The following RNF103 variants were observed in gnomAD, a reference collection of about 807,000 sequenced individuals.
The protein encoded by RNF103 is ring finger protein 103, also known as E3 ubiquitin-protein ligase RNF103.
In RNF103, 23 loss-of-function variants were observed where a neutral mutation model predicts 66.2. That is an observed-to-expected ratio of 0.35 (90% confidence interval 0.25 to 0.49). The LOEUF (loss-of-function observed/expected upper bound fraction) is 0.49, where lower values mean the gene tolerates loss of function less well. Among genes scored for constraint, RNF103 ranks in the 20% least tolerant of loss-of-function variants. The pLI is 0.98. For missense variants in RNF103, 730 were observed against 814.7 expected, an observed-to-expected ratio of 0.90 and a Z score of 1.27; for synonymous variants, 297 against 289.9, an observed-to-expected ratio of 1.02 and a Z score of -0.25.
intron 3 of RNF103, among the ~76,000 whole-genome samples, chr2:86,610,049 A>T (rs1678731350): frequency 6.6e-6 from 1 of 152,336 alleles, no homozygotes; most frequent in South Asian, 2.1e-4. Flanking sequence ...ACCCTGACTA[A>T]GCATAGCTTC....
At chr2:86,605,801 T>A (rs1469351763) in intron 3 of RNF103, among the ~76,000 whole-genome samples, 2 of 152,206 alleles carry the variant, frequency 1.3e-5, no homozygotes, top group African/African-American at 4.8e-5. Flanking sequence ...ATATATTCTG[T>A]TGCTAAATAA....
rs138088443 is a variant in RNF103 at position 86,607,187 on chromosome 2, T to C, written c.483-1769A>G. Among the ~76,000 whole-genome samples, 181 of 152,356 alleles carry C rather than the reference T, an allele frequency of 1.2e-3. 2 individuals are homozygous for C. The East Asian group carries it at 0.02, about 17-fold the overall frequency. The stretch of plus-strand genomic sequence containing the variant: ...TATTTGTTACAGATTTGTATATGCA[T>C]AGTAATAAATATCTGACTTCGCATT... On this transcript the variant is annotated intron_variant, in intron 3 of 3. Transcript: ENST00000237455.
At position 86,605,039 on chromosome 2, in the gene RNF103, A is replaced by G; in HGVS notation, c.862T>C (p.Tyr288His). The G allele has an allele frequency of 6.2e-7, 1 of 1,614,150 alleles. No individual in the cohort carries two copies. Among genetic ancestry groups the G allele is most frequent in the Non-Finnish European group, 8.5e-7 (1 of 1,180,012 alleles). The change falls in exon 4 of 4, where the codon TAC (tyrosine) becomes CAC (histidine). Residue 288 changes from tyrosine to histidine, a missense_variant. Coordinates refer to ENST00000237455, the MANE Select transcript of RNF103 (RefSeq NM_005667.4). ...ATTCCTTCAGGAGTTCTAAGTATGTATGATGGCATATTATATATGCCAATA... is the reference window on the plus strand; with the variant it reads ...ATTCCTTCAGGAGTTCTAAGTATGTGTGATGGCATATTATATATGCCAATA... ...TDIGIYNMPS[Y>H]ILRTPEGIYR... is the part of the protein sequence containing the mutation.
At chr2:86,616,843 C>A (rs1306388841) in intron 2 of RNF103, 7 of 985,274 alleles carry the variant, frequency 7.1e-6, no homozygotes, top group Non-Finnish European at 8.4e-6. Flanking sequence ...GAGGATAAAT[C>A]CATAAAACCC....
intron 3 of RNF103, among the ~76,000 whole-genome samples, chr2:86,608,973 TA>T (rs1307049843): frequency 7.2e-5 from 11 of 152,168 alleles, no homozygotes; most frequent in African/African-American, 2.4e-4. Context: ...TAAATGTTCT[TA>T]AGGGAGCTAC....
chr2:86,621,330 C>A (rs1679219460), intron 1 of RNF103, among the ~76,000 whole-genome samples: 1 of 151,998 alleles, frequency 6.6e-6, no homozygotes, highest in African/African-American at 2.4e-5. Context: ...AAATGTGTGA[C>A]CAAATTATTT....
At chr2:86,615,062 A>G in intron 2 of RNF103, 3 of 985,422 alleles carry the variant, frequency 3.0e-6, no homozygotes, top group Non-Finnish European at 3.6e-6. Context: ...CTCCAATGTT[A>G]GGAAAAGAAG....
intron 3 of RNF103, among the ~76,000 whole-genome samples, chr2:86,609,371 C>T (rs1226286498): frequency 2.0e-5 from 3 of 151,036 alleles, no homozygotes; most frequent in Non-Finnish European, 4.4e-5. Context: ...TCATAAATTA[C>T]TCAGCCTCAG....
intron 3 of RNF103, among the ~76,000 whole-genome samples, chr2:86,608,614 C>T (rs111413634): frequency 5.3e-5 from 8 of 151,672 alleles, no homozygotes; most frequent in African/African-American, 1.9e-4. Flanking sequence ...CTCTGCAATC[C>T]CCCCTTCTCT....
rs1281481347 is a variant in RNF103 at position 86,623,682 on chromosome 2, GC to G, written c.-797del. The G allele has an allele frequency of 2.5e-6, 3 of 1,199,978 alleles. No homozygotes were observed. Among genetic ancestry groups the G allele is most frequent in the Non-Finnish European group, 3.2e-6 (3 of 949,052 alleles). The allele number at this position is 1,199,978 out of a possible 1,614,324, so 74.3% of individuals were successfully genotyped here. On this transcript the variant is annotated 5_prime_UTR_variant, in exon 1 of 4. Transcript: ENST00000237455. ...CTCGGAGGGAAAAAACCAATAATAG[GC>G]CCCGAGACTGCTCCTCCAGGCGGCT...
intron 3 of RNF103, 48 bp downstream of exon 3, chr2:86,612,111 A>G: frequency 8.0e-7 from 1 of 1,243,148 alleles, no homozygotes; most frequent in Non-Finnish European, 1.2e-6. Context: ...TTAAATAAGA[A>G]AGATCCTGGT....
intron 3 of RNF103, among the ~76,000 whole-genome samples, chr2:86,610,587 A>G (rs1678752837): frequency 1.3e-5 from 2 of 152,114 alleles, no homozygotes; most frequent in African/African-American, 2.4e-5. Flanking sequence ...TCAACTTTAT[A>G]TATTTTTAAA....
chr2:86,612,077 A>G, intron 3 of RNF103, 82 bp downstream of exon 3: 1 of 804,310 alleles, frequency 1.2e-6, no homozygotes, highest in Non-Finnish European at 2.1e-6. Context: ...CAGTTCAAGC[A>G]GGCTTCTAGT....
intron 3 of RNF103, among the ~76,000 whole-genome samples, chr2:86,609,748 C>T (rs72934421): frequency 0.12 from 17,562 of 152,044 alleles, 2,547 homozygotes; most frequent in African/African-American, 0.34. Flanking sequence ...CAGGAAAGTA[C>T]AGCTGTACAG....
chr2:86,623,692 T>C lies in RNF103; in HGVS notation c.-806A>G. 1.6e-6 allele frequency: 2 copies of C among 1,230,290 alleles called. No individual in the cohort carries two copies. Among genetic ancestry groups the C allele is most frequent in the Non-Finnish European group, 1.0e-6 (1 of 963,030 alleles). The allele number at this position is 1,230,290 out of a possible 1,614,324, so 76.2% of individuals were successfully genotyped here. A position where few individuals can be genotyped will look rare whatever the true frequency, so the allele number is the denominator to read the frequency against. On this transcript the variant is annotated 5_prime_UTR_variant, in exon 1 of 4. Coordinates refer to ENST00000237455, the MANE Select transcript of RNF103 (RefSeq NM_005667.4). ...AAAAACCAATAATAGGCCCCGAGAC[T>C]GCTCCTCCAGGCGGCTACCCGGCTG...
chr2:86,605,569 GCT>G (rs1325333178), intron 3 of RNF103, 151 bp from the exon 4 acceptor site: 3 of 671,514 alleles, frequency 4.5e-6, no homozygotes, highest in African/African-American at 1.9e-5. Flanking sequence ...TGAAAAACAA[GCT>G]CTGTTTTTCT....
chr2:86,622,332 C>CA (rs1332042122), intron 1 of RNF103, among the ~76,000 whole-genome samples: 2 of 152,174 alleles, frequency 1.3e-5, no homozygotes, highest in African/African-American at 4.8e-5. Flanking sequence ...CTTCAACTGA[C>CA]AAATAATGCT....
chr2:86,611,676 G>C (rs1299045448), intron 3 of RNF103, among the ~76,000 whole-genome samples: 1 of 152,150 alleles, frequency 6.6e-6, no homozygotes, highest in East Asian at 1.9e-4. Flanking sequence ...TAAAGAAAAA[G>C]AGGATGAATC....
Sources: allele counts gnomAD v4.1 joint callset (sites outside exome capture counted in the v4.1 genomes callset), GRCh38; gene constraint gnomAD v4.1.1; transcripts MANE v1.5; gene names NCBI Gene and HGNC (gene_info 2026-07-23, HGNC 2026-07-21).